MITF: variants seen among roughly 807,000 people sequenced by gnomAD.
The protein encoded by MITF is microphthalmia-associated transcription factor.
Under a neutral mutation model 60.5 loss-of-function variants are expected in MITF, and 17 were observed. That is an observed-to-expected ratio of 0.28 (90% CI 0.19 to 0.42). The LOEUF (loss-of-function observed/expected upper bound fraction) is 0.42. Ranked by LOEUF, MITF falls within the 10% of genes least tolerant of loss-of-function variation. The probability of loss-of-function intolerance (pLI) is 1.00; values close to 1 mark genes in which losing one functional copy is unlikely to be tolerated. For missense variants in MITF, 622 were observed against 683.5 expected (o/e 0.91, Z 1.00); for synonymous variants, 260 against 248.5 (o/e 1.05, Z -0.43).
intron 1 of MITF, among the ~76,000 whole-genome samples, chr3:69,807,140 T>C (rs545704382): frequency 1.3e-5 from 2 of 152,322 alleles, no homozygotes; most frequent in African/African-American, 4.8e-5. Context: ...ATATTCTCTC[T>C]TAAGTTACAT....
chr3:69,963,488 TTCTAACAAC>T (rs1356443935), intron 9 of MITF, among the ~76,000 whole-genome samples: 43 of 152,334 alleles, frequency 2.8e-4, no homozygotes, highest in African/African-American at 1.0e-3. Context: ...AGTATTTAGG[TTCTAACAAC>T]TTGGTAGCCA....
At chr3:69,763,442 A>G in intron 1 of MITF, 3 of 817,594 alleles carry the variant, frequency 3.7e-6, no homozygotes, top group Non-Finnish European at 4.6e-6. Context: ...ACCATCTAGC[A>G]CCTCCCTCCT....
At chr3:69,841,092 G>C (rs2063628551) in intron 1 of MITF, among the ~76,000 whole-genome samples, 1 of 152,170 alleles carries the variant, frequency 6.6e-6, no homozygotes, top group Admixed American at 6.5e-5. Context: ...TGTGTTGCCA[G>C]TTCAGAAACT....
At chr3:69,869,534 A>G (rs2064183108) in intron 1 of MITF, among the ~76,000 whole-genome samples, 1 of 152,170 alleles carries the variant, frequency 6.6e-6, no homozygotes, top group Non-Finnish European at 1.5e-5. Context: ...GCCCACATAC[A>G]TCTCTCATTC....
chr3:69,829,691 CACACACCAACT>C (rs2063414201), intron 1 of MITF, among the ~76,000 whole-genome samples: 4 of 143,210 alleles, frequency 2.8e-5, no homozygotes, highest in Admixed American at 2.1e-4. Context: ...CACACACACA[CACACACCAACT>C]GTCAGGTGAT....
At chr3:69,910,729 T>G (rs2065206187) in intron 2 of MITF, among the ~76,000 whole-genome samples, 1 of 152,192 alleles carries the variant, frequency 6.6e-6, no homozygotes, top group East Asian at 1.9e-4. Context: ...CGCTTTGTTT[T>G]GGCCAATTTA....
At chr3:69,934,587 G>C (rs2065791137) in intron 2 of MITF, among the ~76,000 whole-genome samples, 2 of 152,146 alleles carry the variant, frequency 1.3e-5, no homozygotes, top group Non-Finnish European at 2.9e-5. Context: ...TAGGAGATGA[G>C]GGCCTGGAGA....
intron 1 of MITF, among the ~76,000 whole-genome samples, chr3:69,775,541 G>C (rs1226209589): frequency 6.6e-6 from 1 of 152,086 alleles, no homozygotes; most frequent in Non-Finnish European, 1.5e-5. Context: ...TTCTTTAATT[G>C]GTATAGGCTT....
rs1021503723 is a variant in MITF, at chr3:69,966,395, A to T, written c.*1147A>T. On this transcript the variant is annotated 3_prime_UTR_variant, in exon 10 of 10. Transcript: ENST00000352241. The stretch of plus-strand genomic sequence containing the variant: ...GTCTCACTCAGAACTGTTTTTGGAC[A>T]CATTTAAGGTGTAGTATTAATAGGT... 3 of 232,832 alleles carry T rather than the reference A, an allele frequency of 1.3e-5. No individual in the cohort carries two copies. Among genetic ancestry groups the T allele is most frequent in the Non-Finnish European group, 2.6e-5 (3 of 117,624 alleles). 14.4% of individuals were successfully genotyped at this position (232,832 alleles called of 1,614,324 possible). A position where few individuals can be genotyped will look rare whatever the true frequency, so the allele number is the denominator to read the frequency against.
At chr3:69,922,840 A>G (rs1239170515) in intron 2 of MITF, among the ~76,000 whole-genome samples, 1 of 152,214 alleles carries the variant, frequency 6.6e-6, no homozygotes, top group African/African-American at 2.4e-5. Context: ...TCACAAAGAA[A>G]GAAAGAAAGA....
rs201271211 is a variant in MITF, at chr3:69,941,229, C to T, written c.667-7C>T. ...TTGTCTCTCTTCTCTTACCCTTTTT[C>T]CTACAGATGGATGATGTAATCGATG... On this transcript the variant is annotated splice_region_variant and splice_polypyrimidine_tract_variant and intron_variant, in intron 4 of 9. Transcript: ENST00000352241. The T allele has an allele frequency of 1.2e-5, 19 of 1,590,030 alleles. No individual in the cohort carries two copies. Among genetic ancestry groups the T allele is most frequent in the Admixed American group, 1.0e-4 (6 of 59,656 alleles).
At chr3:69,800,240 A>T (rs1476114807) in intron 1 of MITF, among the ~76,000 whole-genome samples, 1 of 152,148 alleles carries the variant, frequency 6.6e-6, no homozygotes, top group Non-Finnish European at 1.5e-5. Context: ...TTCACTTAGC[A>T]TATTTTCAAG....
intron 9 of MITF, 98 bp from the exon 10 acceptor site, chr3:69,964,749 C>A (rs949158992): frequency 2.9e-6 from 3 of 1,048,216 alleles, no homozygotes; most frequent in East Asian, 2.4e-5. Context: ...TCTAATGACG[C>A]GCATCTACCA....
intron 2 of MITF, among the ~76,000 whole-genome samples, chr3:69,904,019 A>G (rs570611083): frequency 6.6e-6 from 1 of 152,226 alleles, no homozygotes; most frequent in South Asian, 2.1e-4. Context: ...AACACATGTC[A>G]GTGGCTGGTA....
chr3:69,882,073 G>C (rs1033763700), intron 2 of MITF, among the ~76,000 whole-genome samples: 5 of 152,144 alleles, frequency 3.3e-5, no homozygotes, highest in Admixed American at 1.3e-4. Context: ...CTATCTGGAT[G>C]AATGACTGAT....
chr3:69,870,685 G>GAT (rs1399370013), intron 1 of MITF, among the ~76,000 whole-genome samples: 2 of 151,766 alleles, frequency 1.3e-5, no homozygotes, highest in Non-Finnish European at 2.9e-5. Context: ...CACCCACCTG[G>GAT]ATATATATAT....
chr3:69,949,514 T>A (rs1446838262), intron 6 of MITF, among the ~76,000 whole-genome samples: 1 of 152,108 alleles, frequency 6.6e-6, no homozygotes, highest in Non-Finnish European at 1.5e-5. Flanking sequence ...CTGATATGTA[T>A]GTTTCTAACA....
intron 2 of MITF, among the ~76,000 whole-genome samples, chr3:69,921,587 G>A (rs1367844807): frequency 6.6e-6 from 1 of 152,170 alleles, no homozygotes; most frequent in East Asian, 1.9e-4. Context: ...GCTATTTACA[G>A]TGAAGATGAC....
chr3:69,815,518 T>C (rs920566209), intron 1 of MITF, among the ~76,000 whole-genome samples: 3 of 152,230 alleles, frequency 2.0e-5, no homozygotes, highest in African/African-American at 7.2e-5. Context: ...TGTGATTTTC[T>C]TAATAACATT....
Sources: allele counts gnomAD v4.1 joint callset (sites outside exome capture counted in the v4.1 genomes callset), GRCh38; gene constraint gnomAD v4.1.1; transcripts MANE v1.5; gene names NCBI Gene and HGNC (gene_info 2026-07-23, HGNC 2026-07-21).